The following ATP8A2 variants were observed in gnomAD, a reference collection of about 807,000 sequenced individuals.
ATP8A2 encodes ATPase phospholipid transporting 8A2, also known as phospholipid-transporting ATPase IB.
ATP8A2 carries 100 observed loss-of-function variants against 165.6 expected under a neutral mutation model. The ratio of observed to expected loss-of-function variants is 0.60; its 90% CI spans 0.51 to 0.71. ATP8A2 has a LOEUF of 0.71. Among genes scored for constraint, ATP8A2 ranks in the 30% least tolerant of loss-of-function variants. The pLI, the probability that ATP8A2 is intolerant of heterozygous loss-of-function variation, is 0.00. For missense variants in ATP8A2, 1,227 were observed against 1,479.5 expected, an observed-to-expected ratio of 0.83 and a Z score of 2.80; for synonymous variants, 543 against 548.8, an observed-to-expected ratio of 0.99 and a Z score of 0.15.
At chr13:25,407,505 A>T (rs546527197) in intron 1 of ATP8A2, among the ~76,000 whole-genome samples, 1 of 152,360 alleles carries the variant, frequency 6.6e-6, no homozygotes, top group Admixed American at 6.5e-5. Context: ...TATCCCAAAT[A>T]TTCAGTGAAG....
chr13:25,718,135 T>C (rs756861559), intron 25 of ATP8A2, among the ~76,000 whole-genome samples: 2 of 152,188 alleles, frequency 1.3e-5, no homozygotes, highest in African/African-American at 4.8e-5. Flanking sequence ...GATCAGATTT[T>C]AATTTGTGTG....
intron 30 of ATP8A2, among the ~76,000 whole-genome samples, chr13:25,854,502 T>G (rs1005390538): frequency 7.2e-5 from 11 of 152,154 alleles, no homozygotes; most frequent in Middle Eastern, 3.4e-3. Context: ...TTTAAAAAAT[T>G]TGTTCATAGA....
At chr13:25,799,585 T>C (rs192357770) in intron 27 of ATP8A2, among the ~76,000 whole-genome samples, 112 of 152,266 alleles carry the variant, frequency 7.4e-4, no homozygotes, top group Admixed American at 3.7e-3. Context: ...TTCACACAAG[T>C]CTTCCACGTT....
intron 24 of ATP8A2, among the ~76,000 whole-genome samples, chr13:25,590,225 G>C (rs899225853): frequency 4.6e-5 from 7 of 152,150 alleles, no homozygotes; most frequent in Non-Finnish European, 1.0e-4. Context: ...AGGAGTTCCA[G>C]ACCAGCCTAA....
chr13:25,591,583 CTTT>C (rs749798935), intron 24 of ATP8A2, among the ~76,000 whole-genome samples: 8 of 131,814 alleles, frequency 6.1e-5, no homozygotes, highest in African/African-American at 1.4e-4. Context: ...TAGCTTATAA[CTTT>C]TTTTTTTTTT....
At chr13:25,633,295 C>T (rs2041289216) in intron 24 of ATP8A2, among the ~76,000 whole-genome samples, 5 of 152,096 alleles carry the variant, frequency 3.3e-5, no homozygotes. Context: ...CATTATATAC[C>T]CTACATGCAG....
At chr13:26,007,880 A>G (rs995588581) in intron 35 of ATP8A2, among the ~76,000 whole-genome samples, 1 of 152,136 alleles carries the variant, frequency 6.6e-6, no homozygotes, top group African/African-American at 2.4e-5. Context: ...TAAAGTTGCA[A>G]ATTTTGTAGG....
At chr13:25,800,244 A>G (rs1400522057) in intron 27 of ATP8A2, among the ~76,000 whole-genome samples, 1 of 152,270 alleles carries the variant, frequency 6.6e-6, no homozygotes, top group East Asian at 1.9e-4. Context: ...TGCTGCATCT[A>G]TAATGAGTAA....
At chr13:25,880,746 T>G (rs923812337) in intron 33 of ATP8A2, among the ~76,000 whole-genome samples, 2 of 152,168 alleles carry the variant, frequency 1.3e-5, no homozygotes, top group Non-Finnish European at 2.9e-5. Context: ...ACCTATCCCT[T>G]CATGCCCCCA....
intron 16 of ATP8A2, chr13:25,567,239 C>T (rs915273590): frequency 2.2e-6 from 1 of 448,526 alleles, no homozygotes; most frequent in Non-Finnish European, 4.5e-6. Context: ...GTTCATCCCA[C>T]ACTCTTCTTG....
chr13:25,744,334 T>G (rs540245869), intron 25 of ATP8A2, among the ~76,000 whole-genome samples: 3 of 148,426 alleles, frequency 2.0e-5, no homozygotes, highest in African/African-American at 7.9e-5. Flanking sequence ...CACCCCCCCG[T>G]GTGTATGTGC....
At chr13:25,562,737 T>TG (rs529097144) in intron 15 of ATP8A2, among the ~76,000 whole-genome samples, 104 of 152,346 alleles carry the variant, frequency 6.8e-4, no homozygotes, top group African/African-American at 2.4e-3. Context: ...TATCCACATG[T>TG]GTGCCTGTGT....
At chr13:25,711,887 G>T (rs911322122) in intron 25 of ATP8A2, among the ~76,000 whole-genome samples, 2 of 152,144 alleles carry the variant, frequency 1.3e-5, no homozygotes, top group African/African-American at 4.8e-5. Flanking sequence ...GTCAGAGGGG[G>T]TCCTGGAGGA....
intron 7 of ATP8A2, among the ~76,000 whole-genome samples, chr13:25,539,115 G>A (rs1378562337): frequency 1.3e-5 from 2 of 148,448 alleles, no homozygotes; most frequent in East Asian, 3.9e-4. Context: ...TTTTGTTTTG[G>A]AGACAAGGTC....
At chr13:25,730,274 AG>A (rs1217493462) in intron 25 of ATP8A2, among the ~76,000 whole-genome samples, 2 of 152,200 alleles carry the variant, frequency 1.3e-5, no homozygotes, top group African/African-American at 4.8e-5. Context: ...CCTGAGTGAC[AG>A]AGTGAGACCC....
intron 33 of ATP8A2, among the ~76,000 whole-genome samples, chr13:25,912,338 ACAAT>A (rs570718466): frequency 1.5e-3 from 225 of 152,314 alleles, no homozygotes; most frequent in Non-Finnish European, 2.6e-3. Context: ...GAAATCTAAA[ACAAT>A]CAAACTGAAA....
intron 1 of ATP8A2, 92 bp from the exon 2 acceptor site, chr13:25,468,885 G>A: frequency 1.3e-6 from 2 of 1,560,458 alleles, no homozygotes; most frequent in Non-Finnish European, 1.7e-6. Context: ...TTCCCCGCCG[G>A]TGGCCGCCCG....
In ATP8A2 at chr13:25,491,817, T is replaced by G. The variant is rs138945641; in HGVS notation, c.221+22696T>G. On this transcript the variant is annotated intron_variant, in intron 2 of 36. Transcript: ENST00000381655. ...CAAGTCAAGAAAAGAAAATATGACA[T>G]TAGTGGTGTGATTTAGTAGGTGTTT... 3.9e-5 allele frequency among the ~76,000 whole-genome samples: 6 copies of G among 152,320 alleles called. No individual in the cohort carries two copies. In the East Asian group the frequency reaches 1.2e-3, roughly 29 times the overall value.
chr13:25,466,544 G>A (rs575210856), intron 1 of ATP8A2, among the ~76,000 whole-genome samples: 1 of 152,274 alleles, frequency 6.6e-6, no homozygotes, highest in Non-Finnish European at 1.5e-5. Context: ...CCTTAATTGA[G>A]GGAACATTTT....
Sources: allele counts gnomAD v4.1 joint callset (sites outside exome capture counted in the v4.1 genomes callset), GRCh38; gene constraint gnomAD v4.1.1; transcripts MANE v1.5; gene names NCBI Gene and HGNC (gene_info 2026-07-23, HGNC 2026-07-21).